MALRD1: variants seen among roughly 807,000 people sequenced by gnomAD.
MALRD1 encodes MAM and LDL-receptor class A domain-containing protein 1.
MALRD1 carries 247 observed loss-of-function variants against 242.1 expected under a neutral mutation model. That is an observed-to-expected ratio of 1.02 (90% CI 0.92 to 1.13). The LOEUF is 1.13. MALRD1 is among the 50% of genes most tolerant of loss of function. MALRD1 has a pLI of 0.00. For synonymous variants in MALRD1, 995 were observed against 866.6 expected, an observed-to-expected ratio of 1.15 and a Z score of -2.60; for missense variants, 2,989 against 2,533.1, an observed-to-expected ratio of 1.18 and a Z score of -3.86.
intron 5 of MALRD1, among the ~76,000 whole-genome samples, chr10:19,105,218 A>G (rs1035232973): frequency 1.3e-5 from 2 of 151,994 alleles, no homozygotes; most frequent in African/African-American, 4.8e-5. Context: ...CTGTACTTCT[A>G]TAAGATAGGC....
chr10:19,280,088 G>C lies in MALRD1; in HGVS notation c.3121G>C (p.Val1041Leu). 2.6e-6 allele frequency: 4 copies of C among 1,534,772 alleles called. No individual in the cohort carries two copies. The highest frequency in any genetic ancestry group is 2.6e-6 in the Non-Finnish European group (3 of 1,140,914). ...ADLPTPPETSVPVTLPPHNCT... is the reference protein window; with the variant it reads ...ADLPTPPETSLPVTLPPHNCT... Reference sequence around the variant, plus strand: ...CCTCCCAACTCCACCAGAAACGTCAGTTCCTGTAACATTACCTCCACACAA... The same window carrying C: ...CCTCCCAACTCCACCAGAAACGTCACTTCCTGTAACATTACCTCCACACAA... Residue 1041 changes from valine to leucine, a missense_variant, in exon 20 of 40, where the codon GTT (valine) becomes CTT (leucine). By Grantham distance (32) the Val-to-Leu change is conservative. Transcript: ENST00000454679.
chr10:19,250,520 T>C (rs1488662022), intron 18 of MALRD1, among the ~76,000 whole-genome samples: 2 of 151,896 alleles, frequency 1.3e-5, no homozygotes, highest in South Asian at 2.1e-4. Flanking sequence ...AATTTCAAGA[T>C]GATCAACACT....
At chr10:19,333,930 C>T (rs1843495309) in intron 24 of MALRD1, among the ~76,000 whole-genome samples, 1 of 151,804 alleles carries the variant, frequency 6.6e-6, no homozygotes. Context: ...ATGTTTGTTG[C>T]CCCTTGTTTG....
At chr10:19,066,984 G>A (rs1409140802) in intron 2 of MALRD1, 125 bp downstream of exon 2, 1 of 634,300 alleles carries the variant, frequency 1.6e-6, no homozygotes, top group Non-Finnish European at 2.3e-6. Context: ...AATTAGGGAA[G>A]CAGAATCTTG....
chr10:19,156,683 A>G (rs532114604), intron 12 of MALRD1, among the ~76,000 whole-genome samples: 11 of 152,278 alleles, frequency 7.2e-5, no homozygotes, highest in Non-Finnish European at 1.5e-4. Context: ...TGACTCACCT[A>G]GAGTCACTGA....
intron 36 of MALRD1, among the ~76,000 whole-genome samples, chr10:19,648,657 A>C (rs2131698732): frequency 6.6e-6 from 1 of 152,356 alleles, no homozygotes. Flanking sequence ...GGTAACCCTT[A>C]GTCAAAGAAA....
At chr10:19,460,224 C>G (rs928453808) in intron 29 of MALRD1, among the ~76,000 whole-genome samples, 4 of 151,976 alleles carry the variant, frequency 2.6e-5, no homozygotes, top group Admixed American at 2.6e-4. Context: ...CCTGAAATAT[C>G]GGTACAGATA....
At chr10:19,685,440 C>T (rs967447913) in intron 36 of MALRD1, among the ~76,000 whole-genome samples, 8 of 152,042 alleles carry the variant, frequency 5.3e-5, no homozygotes, top group African/African-American at 1.9e-4. Context: ...ATGAGAACAG[C>T]TGTAGGGAGA....
At chr10:19,217,666 A>G (rs1837380006) in intron 18 of MALRD1, among the ~76,000 whole-genome samples, 1 of 151,432 alleles carries the variant, frequency 6.6e-6, no homozygotes, top group Admixed American at 6.6e-5. Flanking sequence ...CCAAGTAACT[A>G]CAGGCGTGCA....
At chr10:19,673,408 T>A (rs1842008880) in intron 36 of MALRD1, among the ~76,000 whole-genome samples, 3 of 151,954 alleles carry the variant, frequency 2.0e-5, no homozygotes, top group African/African-American at 7.2e-5. Flanking sequence ...ATAAATAAAA[T>A]TTTTTGCCTT....
chr10:19,619,581 T>G (rs1306217050), intron 36 of MALRD1, among the ~76,000 whole-genome samples: 1 of 151,986 alleles, frequency 6.6e-6, no homozygotes, highest in African/African-American at 2.4e-5. Flanking sequence ...GAAACAGGAA[T>G]GAAAAATGTT....
intron 28 of MALRD1, among the ~76,000 whole-genome samples, chr10:19,441,567 A>G (rs1424237399): frequency 1.3e-5 from 2 of 152,210 alleles, no homozygotes; most frequent in African/African-American, 4.8e-5. Context: ...ATGGCTAGCC[A>G]GTTTCCCCAG....
intron 21 of MALRD1, among the ~76,000 whole-genome samples, chr10:19,319,695 C>T (rs2132021820): frequency 6.6e-6 from 1 of 152,136 alleles, no homozygotes; most frequent in South Asian, 2.1e-4. Flanking sequence ...GCTGTTTCCT[C>T]ACGCGGTAGA....
At chr10:19,192,845 C>T (rs971230656) in intron 14 of MALRD1, among the ~76,000 whole-genome samples, 1 of 152,188 alleles carries the variant, frequency 6.6e-6, no homozygotes, top group African/African-American at 2.4e-5. Flanking sequence ...TTTCAAGACT[C>T]TAAAGATAAC....
At chr10:19,447,206 C>G (rs1298030134) in intron 28 of MALRD1, among the ~76,000 whole-genome samples, 1 of 152,038 alleles carries the variant, frequency 6.6e-6, no homozygotes, top group East Asian at 1.9e-4. Context: ...GTCTTTTCAC[C>G]TTTTTGTCCC....
chr10:19,577,911 C>T (rs943434848), intron 33 of MALRD1, among the ~76,000 whole-genome samples: 2 of 151,990 alleles, frequency 1.3e-5, no homozygotes, highest in African/African-American at 2.4e-5. Flanking sequence ...AATGTTTTAC[C>T]AGGCCAAGTA....
intron 11 of MALRD1, among the ~76,000 whole-genome samples, chr10:19,146,701 C>T (rs1218104605): frequency 6.6e-6 from 1 of 152,174 alleles, no homozygotes; most frequent in Non-Finnish European, 1.5e-5. Context: ...ATAGTCTAAT[C>T]TTGTTTCTGG....
intron 19 of MALRD1, among the ~76,000 whole-genome samples, chr10:19,260,396 G>A (rs1839694898): frequency 6.6e-6 from 1 of 152,072 alleles, no homozygotes; most frequent in Admixed American, 6.6e-5. Context: ...ATGGCTAAAA[G>A]ACCAAGTCCC....
chr10:19,121,738 C>A (rs1837073838), intron 5 of MALRD1, among the ~76,000 whole-genome samples: 2 of 152,072 alleles, frequency 1.3e-5, no homozygotes, highest in South Asian at 2.1e-4. Flanking sequence ...CTACAGGGGG[C>A]AAAGCATGTG....
Sources: gnomAD v4.1 joint callset for allele counts (sites outside exome capture counted in the v4.1 genomes callset) on GRCh38, gnomAD v4.1.1 for gene constraint, MANE v1.5 for transcripts, NCBI Gene and HGNC (gene_info 2026-07-23, HGNC 2026-07-21) for gene names.